The following PTPRD variants were observed in gnomAD, a reference collection of about 807,000 sequenced individuals.
The protein encoded by PTPRD is receptor-type tyrosine-protein phosphatase delta.
In PTPRD, 34 loss-of-function variants were observed where a neutral mutation model predicts 214.5. That is an observed-to-expected ratio of 0.16 (90% CI 0.12 to 0.21). The LOEUF (loss-of-function observed/expected upper bound fraction) is 0.21. Ranked by LOEUF, PTPRD falls within the 10% of genes least tolerant of loss-of-function variation. The pLI is 1.00. For missense variants in PTPRD, 2,545 were observed against 2,398.7 expected (o/e 1.06, Z -1.27); for synonymous variants, 1,128 against 845.7 (o/e 1.33, Z -5.79).
At chr9:9,316,246 C>G (rs1962997954) in intron 9 of PTPRD, among the ~76,000 whole-genome samples, 2 of 151,992 alleles carry the variant, frequency 1.3e-5, no homozygotes, top group Admixed American at 1.3e-4. Context: ...CTCTCTCTCT[C>G]CCCTACCGTC....
intron 7 of PTPRD, among the ~76,000 whole-genome samples, chr9:9,617,789 T>C (rs2094971507): frequency 6.6e-6 from 1 of 151,820 alleles, no homozygotes; most frequent in Non-Finnish European, 1.5e-5. Flanking sequence ...AATATGATTT[T>C]GGGCCCGGCG....
intron 4 of PTPRD, among the ~76,000 whole-genome samples, chr9:10,026,908 C>T (rs1180374685): frequency 6.6e-6 from 1 of 150,508 alleles, no homozygotes; most frequent in Non-Finnish European, 1.5e-5. Flanking sequence ...AAAATTGCAA[C>T]ACACCACTAA....
At chr9:10,135,280 G>C (rs2098933771) in intron 3 of PTPRD, among the ~76,000 whole-genome samples, 2 of 152,054 alleles carry the variant, frequency 1.3e-5, no homozygotes, top group Non-Finnish European at 2.9e-5. Context: ...GTAGTAGAGA[G>C]ATTAAGCAAC....
chr9:9,882,617 T>C (rs1280444315), intron 5 of PTPRD, among the ~76,000 whole-genome samples: 5 of 152,212 alleles, frequency 3.3e-5, no homozygotes, highest in Non-Finnish European at 7.3e-5. Context: ...GAATTATCTA[T>C]AAGCCCACTG....
chr9:9,970,590 G>C (rs1398924529), intron 4 of PTPRD, among the ~76,000 whole-genome samples: 1 of 152,112 alleles, frequency 6.6e-6, no homozygotes, highest in Non-Finnish European at 1.5e-5. Context: ...ACACAGGGCA[G>C]ACAAGCTAAA....
chr9:8,518,045 T>A lies in PTPRD; in HGVS notation c.1346A>T (p.Gln449Leu), dbSNP rs1420816364. 1 of 1,614,234 alleles carries A rather than the reference T, an allele frequency of 6.2e-7. No individual in the cohort carries two copies. The highest frequency in any genetic ancestry group is 2.2e-5 in the East Asian group (1 of 44,884). Residue 449 changes from glutamine (Q) to leucine (L), a missense_variant, in exon 21 of 46, where the codon CAA becomes CTA. Coordinates refer to ENST00000381196, the MANE Select transcript of PTPRD (RefSeq NM_002839.4). The stretch of plus-strand genomic sequence containing the variant: ...CATTGTATAATAAACTCTATATCCT[T>A]GGATCTGTCCATTTGGCTCTTCAGG... ...KEPEEPNGQI[Q>L]GYRVYYTMDP...
intron 10 of PTPRD, among the ~76,000 whole-genome samples, chr9:9,161,777 A>G (rs941797500): frequency 6.6e-6 from 1 of 152,102 alleles, no homozygotes; most frequent in Non-Finnish European, 1.5e-5. Context: ...TGTGTATCAT[A>G]CTATATTTTT....
chr9:9,640,046 T>G (rs2095886249), intron 7 of PTPRD, among the ~76,000 whole-genome samples: 1 of 152,210 alleles, frequency 6.6e-6, no homozygotes, highest in South Asian at 2.1e-4. Flanking sequence ...TCCTCTTTCC[T>G]TGGTAACTGA....
At chr9:10,249,072 A>G (rs978775118) in intron 3 of PTPRD, among the ~76,000 whole-genome samples, 9 of 152,100 alleles carry the variant, frequency 5.9e-5, no homozygotes, top group Non-Finnish European at 1.0e-4. Context: ...TGCAGATCTT[A>G]TATATCTTAA....
At chr9:8,381,579 A>G (rs1247073155) in intron 37 of PTPRD, among the ~76,000 whole-genome samples, 1 of 152,154 alleles carries the variant, frequency 6.6e-6, no homozygotes, top group Non-Finnish European at 1.5e-5. Context: ...TGGAGGACAA[A>G]GAGGCACTAC....
intron 3 of PTPRD, among the ~76,000 whole-genome samples, chr9:10,165,753 A>G (rs2099155150): frequency 6.6e-6 from 1 of 151,454 alleles, no homozygotes; most frequent in Admixed American, 6.6e-5. Context: ...TATTTAAAAC[A>G]TTTATCGAAG....
chr9:8,894,199 C>CA lies in PTPRD; in HGVS notation c.-104+124497dup, dbSNP rs756350143. 1.3e-4 allele frequency among the ~76,000 whole-genome samples: 19 copies of CA among 151,410 alleles called. No individual in the cohort carries two copies. The South Asian group carries it at 1.9e-3, about 15-fold the overall frequency. On this transcript the variant is annotated intron_variant, in intron 11 of 45. Coordinates refer to ENST00000381196, the MANE Select transcript of PTPRD (RefSeq NM_002839.4). ...TAAAACCCTGTTTCTACTAAAAATA[C>CA]AAAAAAATAGCCAGGTGTGGTAATG... is the stretch of plus-strand genomic sequence containing the variant.
intron 11 of PTPRD, among the ~76,000 whole-genome samples, chr9:8,886,608 A>G (rs1418567008): frequency 6.6e-6 from 1 of 152,240 alleles, no homozygotes; most frequent in East Asian, 1.9e-4. Context: ...CATGGTTTAA[A>G]TAATTCAAGT....
chr9:9,525,004 C>A lies in PTPRD; in HGVS notation c.-237+49728G>T, dbSNP rs546616989. ...TCCCGAGTAGCGGGGACTACAGGCGCCCGCCACCACGCCCGGCTAATTTTT... is the reference window on the plus strand; with the variant it reads ...TCCCGAGTAGCGGGGACTACAGGCGACCGCCACCACGCCCGGCTAATTTTT... On this transcript the variant is annotated intron_variant, in intron 8 of 45. Coordinates refer to ENST00000381196, the MANE Select transcript of PTPRD (RefSeq NM_002839.4). Among the ~76,000 whole-genome samples the A allele has an allele frequency of 2.0e-5, 3 of 152,220 alleles. No homozygotes were observed. In the East Asian group the frequency reaches 5.8e-4, roughly 29 times the overall value.
chr9:9,716,803 C>T lies in PTPRD; in HGVS notation c.-287+17730G>A, dbSNP rs1315274672. Among the ~76,000 whole-genome samples the T allele has an allele frequency of 2.5e-4, 38 of 151,696 alleles. 1 individual carries two copies. The highest frequency in any genetic ancestry group is 8.8e-5 in the Non-Finnish European group (6 of 67,870). Reference sequence around the variant, plus strand: ...AATTTTCTCCCATTTTGTAGGTTGCCTGTTCACTTTGATGGTAGTTTCTTT... The same window carrying T: ...AATTTTCTCCCATTTTGTAGGTTGCTTGTTCACTTTGATGGTAGTTTCTTT... On this transcript the variant is annotated intron_variant, in intron 7 of 45. Transcript: ENST00000381196.
intron 10 of PTPRD, among the ~76,000 whole-genome samples, chr9:9,069,476 T>G (rs1430369172): frequency 1.3e-5 from 2 of 152,152 alleles, no homozygotes; most frequent in Non-Finnish European, 2.9e-5. Context: ...ACTGTAAACT[T>G]AAAGCATTAC....
intron 9 of PTPRD, among the ~76,000 whole-genome samples, chr9:9,199,729 T>C (rs2099940762): frequency 6.6e-6 from 1 of 152,070 alleles, no homozygotes; most frequent in African/African-American, 2.4e-5. Flanking sequence ...TAAATAAAGG[T>C]AAAGTAAATT....
chr9:10,358,551 A>C (rs1186103875), intron 2 of PTPRD, among the ~76,000 whole-genome samples: 2 of 151,972 alleles, frequency 1.3e-5, no homozygotes, highest in African/African-American at 4.8e-5. Context: ...ATTAAATTTG[A>C]AAGATTTATG....
chr9:10,151,043 T>G (rs1160562326), intron 3 of PTPRD, among the ~76,000 whole-genome samples: 1 of 147,016 alleles, frequency 6.8e-6, no homozygotes, highest in Non-Finnish European at 1.5e-5. Flanking sequence ...GTATACTTTC[T>G]AGACTTTTTT....
Sources: gnomAD v4.1 joint callset for allele counts (sites outside exome capture counted in the v4.1 genomes callset) on GRCh38, gnomAD v4.1.1 for gene constraint, MANE v1.5 for transcripts, NCBI Gene and HGNC (gene_info 2026-07-23, HGNC 2026-07-21) for gene names.